Variants in BASP1 observed in about 807,000 individuals in gnomAD.
BASP1 encodes the protein brain acid soluble protein 1.
BASP1 carries 1 observed loss-of-function variant against 2.2 expected under a neutral mutation model. That is an observed-to-expected ratio of 0.46 (90% CI 0.16 to 2.17). The LOEUF (loss-of-function observed/expected upper bound fraction) is 2.17, where lower values mean the gene tolerates loss of function less well. Ranked by LOEUF, BASP1 falls within the 30% of genes most tolerant of loss-of-function variation. BASP1 has a pLI of 0.27. For missense variants in BASP1, 352 were observed against 327.2 expected (o/e 1.08, Z -0.58); for synonymous variants, 187 against 154.2 (o/e 1.21, Z -1.58).
At chr5:17,249,238 G>C (rs1252216707) in intron 1 of BASP1, among the ~76,000 whole-genome samples, 1 of 152,092 alleles carries the variant, frequency 6.6e-6, no homozygotes, top group East Asian at 1.9e-4. Flanking sequence ...CCTGTGTGGG[G>C]TGCAGTAAAT....
At chr5:17,249,148 C>T (rs1022115267) in intron 1 of BASP1, among the ~76,000 whole-genome samples, 13 of 152,032 alleles carry the variant, frequency 8.6e-5, no homozygotes, top group African/African-American at 1.4e-4. Context: ...CTTGTGAGCT[C>T]AGACCCCCTT....
chr5:17,241,311 G>C (rs1358757277), intron 1 of BASP1, among the ~76,000 whole-genome samples: 1 of 152,116 alleles, frequency 6.6e-6, no homozygotes, highest in Non-Finnish European at 1.5e-5. Context: ...TGTTGGCCAG[G>C]ATGGTCTTGA....
Position 17,259,944 on chromosome 5 carries a change from T to C in BASP1, c.-9-15264T>C, listed in dbSNP as rs563867353. On this transcript the variant is annotated intron_variant, in intron 1 of 1. Coordinates refer to ENST00000322611, the MANE Select transcript of BASP1 (RefSeq NM_006317.5). ...CTAAATTAGTTGTGGTGATATGATC[T>C]ATTAGTTTCCTGGTCTATGGAAGAG... Among the ~76,000 whole-genome samples the C allele has an allele frequency of 2.0e-4, 31 of 152,366 alleles. No homozygotes were observed. The South Asian group carries it at 6.4e-3, about 32-fold the overall frequency.
chr5:17,237,937 T>C (rs989115252), intron 1 of BASP1, among the ~76,000 whole-genome samples: 1 of 152,152 alleles, frequency 6.6e-6, no homozygotes, highest in Non-Finnish European at 1.5e-5. Flanking sequence ...TAAAGTAAGA[T>C]TACCTGTAGT....
At chr5:17,227,377 G>A (rs957983199) in intron 1 of BASP1, among the ~76,000 whole-genome samples, 1 of 143,716 alleles carries the variant, frequency 7.0e-6, no homozygotes, top group Non-Finnish European at 1.5e-5. Flanking sequence ...ACGCCACCAA[G>A]CTTGACTAAT....
At position 17,266,625 on chromosome 5, in the gene BASP1, G is replaced by A. The variant is rs550379921; in HGVS notation, c.-9-8583G>A. On this transcript the variant is annotated intron_variant, in intron 1 of 1. Coordinates refer to ENST00000322611, the MANE Select transcript of BASP1 (RefSeq NM_006317.5). ...AGTTTGAGACTAGCTTGGCCAACAT[G>A]GTGAAACCCCGTCTCTACTAAAATA... Among the ~76,000 whole-genome samples the A allele has an allele frequency of 3.2e-4, 48 of 152,172 alleles. No individual in the cohort carries two copies. In the South Asian group the frequency reaches 7.7e-3, roughly 24 times the overall value.
chr5:17,252,014 G>T (rs1740111194), intron 1 of BASP1, among the ~76,000 whole-genome samples: 1 of 152,158 alleles, frequency 6.6e-6, no homozygotes, highest in African/African-American at 2.4e-5. Context: ...CCCAGCAAGT[G>T]CACCAAGACT....
At chr5:17,266,795 G>A (rs1214153207) in intron 1 of BASP1, among the ~76,000 whole-genome samples, 1 of 131,290 alleles carries the variant, frequency 7.6e-6, no homozygotes, top group Non-Finnish European at 1.5e-5. Flanking sequence ...CTGAGCGACA[G>A]AGCAGCAAGA....
chr5:17,237,842 C>G (rs1294832057), intron 1 of BASP1, among the ~76,000 whole-genome samples: 2 of 151,904 alleles, frequency 1.3e-5, no homozygotes, highest in South Asian at 4.2e-4. Context: ...AATTCCTCAC[C>G]TCAAGTGATC....
At chr5:17,226,632 A>G (rs1278402513) in intron 1 of BASP1, among the ~76,000 whole-genome samples, 1 of 152,218 alleles carries the variant, frequency 6.6e-6, no homozygotes. Flanking sequence ...GAAACTGTAG[A>G]GGCTGTAGGA....
Position 17,229,705 on chromosome 5 carries a change from A to G in BASP1, c.-10+11895A>G, listed in dbSNP as rs147268335. Among the ~76,000 whole-genome samples the G allele has an allele frequency of 3.2e-3, 483 of 152,074 alleles. 4 individuals carry two copies. The highest frequency in any genetic ancestry group is 0.011 in the African/African-American group (462 of 41,488). Reference sequence around the variant, plus strand: ...TCAGGCTGCCATAACAAAATAACAGATGGGATAACTTAACAAAAATATATT... The same window carrying G: ...TCAGGCTGCCATAACAAAATAACAGGTGGGATAACTTAACAAAAATATATT... On this transcript the variant is annotated intron_variant, in intron 1 of 1. Transcript: ENST00000322611.
rs560287145 is a variant in BASP1, at chr5:17,271,207, C to T, written c.-9-4001C>T. Among the ~76,000 whole-genome samples the T allele has an allele frequency of 1.7e-4, 26 of 152,214 alleles. No individual in the cohort carries two copies. The South Asian group carries it at 4.4e-3, about 25-fold the overall frequency. ...CAGGCCATAGTGCAGTGGCTGATCT[C>T]GGCTCACTGCAACCTCTGCCTCCCA... On this transcript the variant is annotated intron_variant, in intron 1 of 1. Coordinates refer to ENST00000322611, the MANE Select transcript of BASP1 (RefSeq NM_006317.5).
Position 17,233,767 on chromosome 5 carries a change from G to GT in BASP1, c.-10+15969dup, listed in dbSNP as rs1203054389. On this transcript the variant is annotated intron_variant, in intron 1 of 1. Coordinates refer to ENST00000322611, the MANE Select transcript of BASP1 (RefSeq NM_006317.5). ...AAGTAGATGATATTTTCTTTTCTTT[G>GT]TTTTTTTTTTTTCAACATTCTGATA... Among the ~76,000 whole-genome samples the GT allele has an allele frequency of 6.7e-3, 955 of 142,236 alleles. 2 individuals are homozygous for GT. Among genetic ancestry groups the GT allele is most frequent in the African/African-American group, 0.011 (435 of 38,768 alleles). The allele number at this position is 142,236 out of a possible 152,430, so 93.3% of individuals were successfully genotyped here.
rs536274579 is a variant in BASP1 at position 17,265,089 on chromosome 5, T to G, written c.-9-10119T>G. Among the ~76,000 whole-genome samples, 40 of 152,364 alleles carry G rather than the reference T, an allele frequency of 2.6e-4. 2 individuals are homozygous for G. In the South Asian group the frequency reaches 8.1e-3, roughly 31 times the overall value. ...ATTACAGAACCATGGTATTGTTAAT[T>G]GACAGAGCAACGTAAATGTAAAAAT... On this transcript the variant is annotated intron_variant, in intron 1 of 1. Transcript: ENST00000322611.
intron 1 of BASP1, among the ~76,000 whole-genome samples, chr5:17,262,523 T>C (rs974160083): frequency 6.6e-6 from 1 of 152,226 alleles, no homozygotes; most frequent in Non-Finnish European, 1.5e-5. Context: ...CTCGTAGAAC[T>C]GATGAGATAG....
intron 1 of BASP1, chr5:17,240,797 A>G (rs1739846333): frequency 6.6e-6 from 1 of 152,292 alleles, no homozygotes; most frequent in South Asian, 2.1e-4. Context: ...GAACTGTGAG[A>G]AGTAAGTATT....
chr5:17,246,824 G>A (rs187085097), intron 1 of BASP1, among the ~76,000 whole-genome samples: 1 of 152,220 alleles, frequency 6.6e-6, no homozygotes, highest in African/African-American at 2.4e-5. Context: ...TAGCCTCTGG[G>A]GTTCTGAACG....
chr5:17,271,567 A>G (rs1228576290), intron 1 of BASP1, among the ~76,000 whole-genome samples: 4 of 152,240 alleles, frequency 2.6e-5, no homozygotes. Flanking sequence ...ACAAAATTCT[A>G]GTGAATTTCC....
intron 1 of BASP1, among the ~76,000 whole-genome samples, chr5:17,270,468 C>T (rs1028559968): frequency 1.3e-5 from 2 of 152,178 alleles, no homozygotes; most frequent in Non-Finnish European, 2.9e-5. Context: ...GTAAAATATT[C>T]AGAGCGAAGA....
Sources: allele counts gnomAD v4.1 joint callset (sites outside exome capture counted in the v4.1 genomes callset), GRCh38; gene constraint gnomAD v4.1.1; transcripts MANE v1.5; gene names NCBI Gene and HGNC (gene_info 2026-07-23, HGNC 2026-07-21).